Variants in ZFHX3 observed in about 807,000 individuals in gnomAD.
ZFHX3 encodes the protein zinc finger homeobox protein 3.
ZFHX3 carries 42 observed loss-of-function variants against 279.1 expected under a neutral mutation model. The observed-to-expected ratio is 0.15, with a 90% CI of 0.12 to 0.19. ZFHX3 has a LOEUF of 0.19. Among genes scored for constraint, ZFHX3 ranks in the 10% least tolerant of loss-of-function variants. The pLI is 1.00. For missense variants in ZFHX3, 4,981 were observed against 4,754.0 expected (o/e 1.05, Z -1.40); for synonymous variants, 2,293 against 1,957.8 (o/e 1.17, Z -4.52).
intron 2 of ZFHX3, among the ~76,000 whole-genome samples, chr16:73,634,888 TTG>T (rs144605621): frequency 1.9e-4 from 29 of 151,326 alleles, no homozygotes; most frequent in African/African-American, 5.3e-4. Context: ...GTGTTTGTGG[TTG>T]TGTGTGTGTG....
rs920395975 is a variant in ZFHX3, at chr16:73,593,821, C to T, written c.-1547+86359G>A. Reference sequence around the variant, plus strand: ...AACAGTTTACCCAATAAATCAAAAACGAGAGAACTTGATAAAACTCAAATC... The same window carrying T: ...AACAGTTTACCCAATAAATCAAAAATGAGAGAACTTGATAAAACTCAAATC... On this transcript the variant is annotated intron_variant, in intron 2 of 17. Coordinates refer to the ZFHX3 transcript ENST00000641206. Among the ~76,000 whole-genome samples, 11 of 152,200 alleles carry T rather than the reference C, an allele frequency of 7.2e-5. No homozygotes were observed. The East Asian group carries it at 9.6e-4, about 13-fold the overall frequency.
chr16:73,169,854 A>AT (rs1555502414), intron 5 of ZFHX3, among the ~76,000 whole-genome samples: 1 of 151,996 alleles, frequency 6.6e-6, no homozygotes, highest in African/African-American at 2.4e-5. Flanking sequence ...TTTTTTCTTG[A>AT]GGGGGGCTTT....
chr16:73,331,569 T>G (rs537109501), intron 3 of ZFHX3, among the ~76,000 whole-genome samples: 1 of 152,206 alleles, frequency 6.6e-6, no homozygotes, highest in Non-Finnish European at 1.5e-5. Flanking sequence ...TGTGCTTTCC[T>G]AAGTGTCATG....
intron 3 of ZFHX3, among the ~76,000 whole-genome samples, chr16:73,442,959 C>A (rs2018120346): frequency 6.6e-6 from 1 of 152,074 alleles, no homozygotes; most frequent in African/African-American, 2.4e-5. Flanking sequence ...ACCATGTTGC[C>A]CAAGCTGTCC....
intron 1 of ZFHX3, among the ~76,000 whole-genome samples, chr16:73,732,574 T>C (rs1045318702): frequency 6.6e-6 from 1 of 152,268 alleles, no homozygotes; most frequent in African/African-American, 2.4e-5. Context: ...AAATCCAGAA[T>C]GGATCTAATA....
At chr16:73,693,060 T>A (rs908801773) in intron 1 of ZFHX3, among the ~76,000 whole-genome samples, 3 of 152,144 alleles carry the variant, frequency 2.0e-5, no homozygotes, top group Admixed American at 6.5e-5. Flanking sequence ...TATGACTCTC[T>A]AGGGGACACC....
At chr16:73,309,301 C>T (rs2015268214) in intron 4 of ZFHX3, among the ~76,000 whole-genome samples, 1 of 152,162 alleles carries the variant, frequency 6.6e-6, no homozygotes, top group Non-Finnish European at 1.5e-5. Flanking sequence ...CATCATTTAG[C>T]TCCCACTTAC....
At chr16:73,638,914 A>G (rs2052550569) in intron 2 of ZFHX3, among the ~76,000 whole-genome samples, 2 of 152,182 alleles carry the variant, frequency 1.3e-5, no homozygotes, top group African/African-American at 2.4e-5. Context: ...TATGGCTTTA[A>G]TCTTGATGAG....
intron 1 of ZFHX3, among the ~76,000 whole-genome samples, chr16:72,961,452 A>G (rs1435426048): frequency 4.6e-5 from 7 of 152,186 alleles, no homozygotes; most frequent in African/African-American, 1.7e-4. Context: ...CAGGCAGCTC[A>G]GCACCTCGCA....
At chr16:73,458,742 A>G (rs1308252920) in intron 2 of ZFHX3, among the ~76,000 whole-genome samples, 3 of 152,102 alleles carry the variant, frequency 2.0e-5, no homozygotes, top group Non-Finnish European at 4.4e-5. Flanking sequence ...CTTTTGTATG[A>G]TAGTTTTCCT....
chr16:72,801,938 C>T (rs1240192176), intron 7 of ZFHX3, among the ~76,000 whole-genome samples: 1 of 151,818 alleles, frequency 6.6e-6, no homozygotes, highest in East Asian at 1.9e-4. Flanking sequence ...AAGACTCCCC[C>T]CCACCTCCTT....
intron 1 of ZFHX3, among the ~76,000 whole-genome samples, chr16:72,973,135 C>A (rs1962181809): frequency 6.6e-6 from 1 of 152,198 alleles, no homozygotes; most frequent in Non-Finnish European, 1.5e-5. Flanking sequence ...GATGTCTGTA[C>A]ATGCCTAGTG....
intron 1 of ZFHX3, among the ~76,000 whole-genome samples, chr16:73,685,719 C>A (rs1319401146): frequency 1.3e-5 from 2 of 152,184 alleles, no homozygotes; most frequent in African/African-American, 4.8e-5. Context: ...TAATAATCAA[C>A]AAAATGCCCA....
Position 73,596,889 on chromosome 16 carries a change from C to T in ZFHX3, c.-1547+83291G>A, listed in dbSNP as rs2052056543. On this transcript the variant is annotated intron_variant, in intron 2 of 17. Transcript: ENST00000641206. Reference sequence around the variant, plus strand: ...AAGAAATGAATGAAGGCATGCTACACTCTTCTGCCATATTGATTCTACTTA... The same window carrying T: ...AAGAAATGAATGAAGGCATGCTACATTCTTCTGCCATATTGATTCTACTTA... 3.3e-5 allele frequency among the ~76,000 whole-genome samples: 5 copies of T among 152,302 alleles called. No homozygotes were observed. The South Asian group carries it at 1.0e-3, about 32-fold the overall frequency.
Position 73,093,422 on chromosome 16 carries a change from C to T in ZFHX3, c.-720G>A, listed in dbSNP as rs376305680. 106 of 472,144 alleles carry T rather than the reference C, an allele frequency of 2.2e-4. 1 individual carries two copies. Among genetic ancestry groups the T allele is most frequent in the African/African-American group, 1.2e-3 (61 of 50,860 alleles). 29.2% of individuals were successfully genotyped at this position (472,144 alleles called of 1,614,324 possible). On this transcript the variant is annotated 5_prime_UTR_variant, in exon 8 of 18. Transcript: ENST00000641206. ...AGAACCACAGCTGATCACTTTGGTC[C>T]GTTTGAGGGCCCCTTTCGCTCAGCT...
chr16:73,633,906 A>G (rs1027505788), intron 2 of ZFHX3, among the ~76,000 whole-genome samples: 1 of 152,164 alleles, frequency 6.6e-6, no homozygotes, highest in African/African-American at 2.4e-5. Context: ...ACAAAAAAAA[A>G]AAGGCTTATT....
At chr16:72,826,485 A>G (rs988359273) in intron 5 of ZFHX3, among the ~76,000 whole-genome samples, 2 of 152,248 alleles carry the variant, frequency 1.3e-5, no homozygotes, top group Non-Finnish European at 2.9e-5. Flanking sequence ...GGGAGAGAAT[A>G]GAACAAACGT....
At chr16:73,441,039 T>C (rs983583442) in intron 3 of ZFHX3, among the ~76,000 whole-genome samples, 3 of 152,338 alleles carry the variant, frequency 2.0e-5, no homozygotes, top group East Asian at 1.9e-4. Context: ...CTGATTTCTT[T>C]TAAGCACTGG....
chr16:73,694,585 A>C (rs952654132), intron 1 of ZFHX3, among the ~76,000 whole-genome samples: 21 of 152,046 alleles, frequency 1.4e-4, no homozygotes, highest in Admixed American at 3.3e-4. Flanking sequence ...CTCGTGATCC[A>C]TCCGCCTCGG....
Sources: allele counts gnomAD v4.1 joint callset (sites outside exome capture counted in the v4.1 genomes callset), GRCh38; gene constraint gnomAD v4.1.1; transcripts MANE v1.5; gene names NCBI Gene and HGNC (gene_info 2026-07-23, HGNC 2026-07-21).